Variants in BIRC6 observed in about 807,000 individuals in gnomAD.
BIRC6 encodes dual E2 ubiquitin-conjugating enzyme/E3 ubiquitin-protein ligase BIRC6.
BIRC6 carries 98 observed loss-of-function variants against 503.3 expected under a neutral mutation model. That is an observed-to-expected ratio of 0.19 (90% CI 0.17 to 0.23). BIRC6 has a LOEUF of 0.23. Among genes scored for constraint, BIRC6 ranks in the 10% least tolerant of loss-of-function variants. The pLI is 1.00. For missense variants in BIRC6, 5,360 were observed against 5,806.0 expected (o/e 0.92, Z 2.50); for synonymous variants, 2,240 against 2,078.7 (o/e 1.08, Z -2.11).
At chr2:32,397,453 C>T (rs1168138760) in intron 6 of BIRC6, among the ~76,000 whole-genome samples, 2 of 150,326 alleles carry the variant, frequency 1.3e-5, no homozygotes, top group African/African-American at 4.9e-5. Context: ...GCTTGGGCAA[C>T]AAGAGTGAAA....
intron 65 of BIRC6, among the ~76,000 whole-genome samples, chr2:32,568,263 G>A (rs1316651329): frequency 6.6e-6 from 1 of 150,590 alleles, no homozygotes; most frequent in East Asian, 1.9e-4. Flanking sequence ...GGCCAAGGCA[G>A]GTAGATTGCC....
chr2:32,395,535 G>A lies in BIRC6; in HGVS notation c.976G>A (p.Ala326Thr). Residue 326 changes from alanine to threonine, a missense_variant, in exon 6 of 74, where the codon GCC becomes ACC. Transcript: ENST00000421745. ...HQPASSGDDR[A>T]MCFTCSVCLV... ...GCCTGCCTCATCTGGAGATGATAGA[G>A]CCATGTGTTTTACTTGTAGTGTATG... is the stretch of plus-strand genomic sequence containing the variant. 6.2e-7 allele frequency: 1 copy of A among 1,612,674 alleles called. No individual in the cohort carries two copies. Among genetic ancestry groups the A allele is most frequent in the Non-Finnish European group, 8.5e-7 (1 of 1,178,936 alleles).
rs758558417 is a variant in BIRC6 at position 32,406,505 on chromosome 2, T to G, written c.1425T>G (p.Asp475Glu). Reference sequence around the variant, plus strand: ...CTTTGTTTTTTGATTTAAGTGATGATTTACTGGAGGATTCAGACAGTGAAG... The same window carrying G: ...CTTTGTTTTTTGATTTAAGTGATGAGTTACTGGAGGATTCAGACAGTGAAG... ...DIPKLEGDSD[D>E]LLEDSDSEEH... Residue 475 changes from aspartate (D) to glutamate (E), a missense_variant, in exon 9 of 74, where the codon GAT becomes GAG. Physicochemically the swap from Asp to Glu is conservative, Grantham distance 45. This residue lies in a region of BIRC6 where 700 missense variants were observed against 739.3 expected (regional missense o/e 0.95). Transcript: ENST00000421745. The G allele has an allele frequency of 3.7e-6, 6 of 1,608,806 alleles. No individual in the cohort carries two copies. The Admixed American group carries it at 6.7e-5, about 18-fold the overall frequency.
chr2:32,368,253 C>G (rs1348883257), intron 1 of BIRC6, among the ~76,000 whole-genome samples: 1 of 151,914 alleles, frequency 6.6e-6, no homozygotes, highest in Non-Finnish European at 1.5e-5. Context: ...GGAGTTCAAA[C>G]TCCCTGGCTG....
chr2:32,505,573 A>T (rs1180992753), intron 50 of BIRC6, among the ~76,000 whole-genome samples: 1 of 152,188 alleles, frequency 6.6e-6, no homozygotes, highest in Non-Finnish European at 1.5e-5. Context: ...GTAATGTGAA[A>T]TTAGCATAGA....
chr2:32,398,758 T>C (rs1281004584), intron 6 of BIRC6, among the ~76,000 whole-genome samples: 3 of 152,072 alleles, frequency 2.0e-5, no homozygotes, highest in Non-Finnish European at 1.5e-5. Flanking sequence ...TAAAATTTTA[T>C]TGAAAAAGTT....
chr2:32,404,328 CT>C (rs951589522), intron 8 of BIRC6, among the ~76,000 whole-genome samples: 2 of 149,988 alleles, frequency 1.3e-5, no homozygotes. Flanking sequence ...AATTTTTTTT[CT>C]TTTTTTTTGA....
chr2:32,362,171 C>G (rs1490146808), intron 1 of BIRC6, among the ~76,000 whole-genome samples: 1 of 152,132 alleles, frequency 6.6e-6, no homozygotes, highest in African/African-American at 2.4e-5. Context: ...ACTTCCTCAC[C>G]AGCATTTGGG....
chr2:32,493,487 T>C, intron 44 of BIRC6, 53 bp from the exon 45 acceptor site: 1 of 1,488,152 alleles, frequency 6.7e-7, no homozygotes, highest in Non-Finnish European at 9.1e-7. Context: ...AAATGAATGA[T>C]TTTTTACATG....
intron 73 of BIRC6, among the ~76,000 whole-genome samples, chr2:32,617,141 C>T (rs1273909918): frequency 3.9e-5 from 6 of 152,108 alleles, no homozygotes; most frequent in Non-Finnish European, 7.4e-5. Flanking sequence ...CATTGGCTCA[C>T]GCCTGTAATC....
intron 1 of BIRC6, among the ~76,000 whole-genome samples, chr2:32,366,879 G>C (rs2035014422): frequency 6.6e-6 from 1 of 152,098 alleles, no homozygotes; most frequent in East Asian, 1.9e-4. Flanking sequence ...CCACTTGGGA[G>C]GCTGAAGCAG....
At chr2:32,373,624 T>A (rs2036293234) in intron 1 of BIRC6, among the ~76,000 whole-genome samples, 1 of 152,160 alleles carries the variant, frequency 6.6e-6, no homozygotes. Flanking sequence ...TTGGCACTCT[T>A]GTGCACTGCT....
intron 10 of BIRC6, among the ~76,000 whole-genome samples, chr2:32,421,169 C>T (rs1471270545): frequency 2.7e-5 from 4 of 148,822 alleles, no homozygotes; most frequent in Admixed American, 6.7e-5. Context: ...TGCAGTGGCT[C>T]GATCTTGGCT....
At chr2:32,517,760 G>C (rs2055211883) in intron 55 of BIRC6, among the ~76,000 whole-genome samples, 1 of 20,896 alleles carries the variant, frequency 4.8e-5, no homozygotes, top group African/African-American at 2.2e-4. Flanking sequence ...GGTTGGGGGA[G>C]TGGGTAGAGA....
intron 73 of BIRC6, among the ~76,000 whole-genome samples, chr2:32,613,834 T>C (rs1291486706): frequency 1.3e-5 from 2 of 152,208 alleles, no homozygotes; most frequent in Non-Finnish European, 2.9e-5. Context: ...TTCCTTTTTC[T>C]TTTTTCCTGA....
chr2:32,426,721 T>G (rs939169565), intron 10 of BIRC6, among the ~76,000 whole-genome samples: 2 of 152,268 alleles, frequency 1.3e-5, no homozygotes, highest in East Asian at 3.8e-4. Flanking sequence ...ATTCACCTAC[T>G]TACCATTTCT....
At chr2:32,375,713 T>C (rs2036654716) in intron 1 of BIRC6, among the ~76,000 whole-genome samples, 1 of 151,582 alleles carries the variant, frequency 6.6e-6, no homozygotes, top group East Asian at 1.9e-4. Context: ...AAGTGCAATA[T>C]AGTGCCGTAA....
At chr2:32,532,199 CT>C in intron 61 of BIRC6, 1 of 514,010 alleles carries the variant, frequency 1.9e-6, no homozygotes, top group Non-Finnish European at 3.9e-6. Context: ...GCTCTAGACT[CT>C]ATTATAGTTT....
Position 32,429,145 on chromosome 2 carries a change from G to T in BIRC6, c.2873-1G>T. ...TATCTATGAAATTTACTACACTGTA[G>T]GTGGTGAGCTTCATTTTCTCCAAAT... On this transcript the variant is annotated splice_acceptor_variant, in intron 10 of 73. Transcript: ENST00000421745. LOFTEE classifies it high-confidence loss of function. 6.3e-7 allele frequency: 1 copy of T among 1,586,478 alleles called. No individual in the cohort carries two copies. Among genetic ancestry groups the T allele is most frequent in the African/African-American group, 1.3e-5 (1 of 74,342 alleles).
Sources: allele counts gnomAD v4.1 joint callset (sites outside exome capture counted in the v4.1 genomes callset), GRCh38; gene constraint gnomAD v4.1.1; regional missense constraint gnomAD v4.1.1; transcripts MANE v1.5; gene names NCBI Gene and HGNC (gene_info 2026-07-23, HGNC 2026-07-21).